The following EEPD1 variants were observed in gnomAD, a reference collection of about 807,000 sequenced individuals.
The protein encoded by EEPD1 is endonuclease/exonuclease/phosphatase family domain containing 1, also known as endonuclease/exonuclease/phosphatase family domain-containing protein 1.
In EEPD1, 17 loss-of-function variants were observed where a neutral mutation model predicts 46.3. The observed-to-expected ratio is 0.37, with a 90% confidence interval of 0.25 to 0.55. The LOEUF is 0.55. Ranked by LOEUF, EEPD1 falls within the 20% of genes least tolerant of loss-of-function variation. The probability of loss-of-function intolerance (pLI) is 0.83; values close to 1 mark genes in which losing one functional copy is unlikely to be tolerated. For missense variants in EEPD1, 673 were observed against 745.6 expected, an observed-to-expected ratio of 0.90 and a Z score of 1.13; for synonymous variants, 313 against 315.6, an observed-to-expected ratio of 0.99 and a Z score of 0.09.
At position 36,165,411 on chromosome 7, in the gene EEPD1, C is replaced by CTTTTTTT. The variant is rs56236165; in HGVS notation, c.878+10231_878+10237dup. ...ATGAAATCGCCTAATGATCCATTTC[C>CTTTTTTT]TTTTTTTTTTTTTTTTTTTTTTTTT... On this transcript the variant is annotated intron_variant, in intron 2 of 7. Transcript: ENST00000242108. Among the ~76,000 whole-genome samples, 453 of 62,108 alleles carry CTTTTTTT rather than the reference C, an allele frequency of 7.3e-3. 90 individuals carry two copies. Among genetic ancestry groups the CTTTTTTT allele is most frequent in the African/African-American group, 0.029 (411 of 14,100 alleles). 40.7% of individuals were successfully genotyped at this position (62,108 alleles called of 152,430 possible). A position where few individuals can be genotyped will look rare whatever the true frequency, so the allele number is the denominator to read the frequency against.
At chr7:36,170,057 C>T (rs1433104135) in intron 2 of EEPD1, among the ~76,000 whole-genome samples, 1 of 152,174 alleles carries the variant, frequency 6.6e-6, no homozygotes, top group African/African-American at 2.4e-5. Context: ...GAAGGAACAC[C>T]TTCCATAGAT....
intron 2 of EEPD1, among the ~76,000 whole-genome samples, chr7:36,184,074 T>C (rs983556325): frequency 2.0e-5 from 3 of 152,136 alleles, no homozygotes; most frequent in African/African-American, 7.2e-5. Flanking sequence ...GCTCAGATAG[T>C]AAATATTTCA....
chr7:36,179,044 T>C (rs139883353), intron 2 of EEPD1, among the ~76,000 whole-genome samples: 176 of 152,350 alleles, frequency 1.2e-3, no homozygotes, highest in African/African-American at 4.1e-3. Context: ...TAAAAGAAAT[T>C]ACTGTGAACC....
At chr7:36,217,235 C>G (rs1786044431) in intron 2 of EEPD1, among the ~76,000 whole-genome samples, 1 of 152,260 alleles carries the variant, frequency 6.6e-6, no homozygotes, top group African/African-American at 2.4e-5. Flanking sequence ...GAGGATTTTT[C>G]ATGAGTTTTC....
intron 2 of EEPD1, among the ~76,000 whole-genome samples, chr7:36,183,173 G>A (rs1211742369): frequency 6.6e-6 from 1 of 152,210 alleles, no homozygotes; most frequent in Non-Finnish European, 1.5e-5. Context: ...TGACTGTGTA[G>A]TGTTCCTGAG....
intron 2 of EEPD1, among the ~76,000 whole-genome samples, chr7:36,185,657 GGAA>G (rs72238640): frequency 0.081 from 12,385 of 152,168 alleles, 748 homozygotes; most frequent in East Asian, 0.16. Context: ...TGCTACTCTA[GGAA>G]GATGCTGCCC....
At chr7:36,219,306 C>T in intron 2 of EEPD1, among the ~76,000 whole-genome samples, 1 of 150,938 alleles carries the variant, frequency 6.6e-6, no homozygotes, top group East Asian at 1.9e-4. Context: ...ATGGCAAAGC[C>T]TAAACTCGTG....
At chr7:36,172,478 A>G (rs1044867484) in intron 2 of EEPD1, among the ~76,000 whole-genome samples, 1 of 152,174 alleles carries the variant, frequency 6.6e-6, no homozygotes, top group African/African-American at 2.4e-5. Flanking sequence ...ACCTTGCCCT[A>G]TGCATCCCTT....
Position 36,281,210 on chromosome 7 carries a change from G to C in EEPD1, c.1026G>C (p.Ser342=). The change falls in exon 4 of 8, where the codon TCG becomes TCC. Residue 342 remains serine (S), a synonymous_variant. Coordinates refer to ENST00000242108, the MANE Select transcript of EEPD1 (RefSeq NM_030636.3). ...AGGCTGTTGTTGCTGAGAAGCCCTC[G>C]AGTCAGCTCCAGAAGGTACCCTCGT... ...CWKAVVAEKP[S]SQLQKGAGYA... 6.2e-7 allele frequency: 1 copy of C among 1,614,120 alleles called. No homozygotes were observed. Among genetic ancestry groups the C allele is most frequent in the Non-Finnish European group, 8.5e-7 (1 of 1,180,002 alleles).
chr7:36,156,110 C>T (rs917365784), intron 2 of EEPD1, among the ~76,000 whole-genome samples: 4 of 152,142 alleles, frequency 2.6e-5, no homozygotes. Context: ...GCCCTGCCAC[C>T]CACCAGGGGT....
intron 2 of EEPD1, among the ~76,000 whole-genome samples, chr7:36,159,674 G>A (rs1445355236): frequency 1.3e-5 from 2 of 152,210 alleles, no homozygotes; most frequent in Non-Finnish European, 1.5e-5. Context: ...CAGGTATCAG[G>A]GTCTTGGGGA....
At chr7:36,165,688 C>A (rs561439224) in intron 2 of EEPD1, among the ~76,000 whole-genome samples, 1 of 151,802 alleles carries the variant, frequency 6.6e-6, no homozygotes, top group East Asian at 1.9e-4. Context: ...CTGCCTGCCT[C>A]GGCTTCCCAA....
rs574732566 is a variant in EEPD1, at chr7:36,156,188, C to A, written c.878+986C>A. ...GTTGGTGAGGCTGGCGGCGGGGGGG[C>A]AGCAGTTTGGTGACACGAAGTGAAC... On this transcript the variant is annotated intron_variant, in intron 2 of 7. Coordinates refer to ENST00000242108, the MANE Select transcript of EEPD1 (RefSeq NM_030636.3). 1.2e-4 allele frequency among the ~76,000 whole-genome samples: 18 copies of A among 152,164 alleles called. No homozygotes were observed. The South Asian group carries it at 3.7e-3, about 32-fold the overall frequency.
At chr7:36,229,082 C>T (rs541674710) in intron 2 of EEPD1, among the ~76,000 whole-genome samples, 124 of 152,304 alleles carry the variant, frequency 8.1e-4, no homozygotes, top group Non-Finnish European at 1.5e-3. Flanking sequence ...GCGGAAACCC[C>T]TTCCCTGTCA....
chr7:36,299,271 G>T lies in EEPD1; in HGVS notation c.*65G>T, dbSNP rs960609602. On this transcript the variant is annotated 3_prime_UTR_variant, in exon 8 of 8. Transcript: ENST00000242108. ...GCACAGCCAAGGAATGAGCCCTGTG[G>T]GGTGACGCTTCAGGGCAGAGCTGCC... The T allele has an allele frequency of 6.4e-7, 1 of 1,554,410 alleles. No homozygotes were observed. Among genetic ancestry groups the T allele is most frequent in the East Asian group, 2.3e-5 (1 of 42,748 alleles).
chr7:36,295,505 A>G (rs891101766), intron 6 of EEPD1, among the ~76,000 whole-genome samples: 3 of 152,200 alleles, frequency 2.0e-5, no homozygotes, highest in Non-Finnish European at 4.4e-5. Flanking sequence ...TCCAGATAAC[A>G]TGTGTAGATA....
At chr7:36,287,508 G>T in intron 5 of EEPD1, 131 bp from the exon 6 acceptor site, 1 of 1,361,396 alleles carries the variant, frequency 7.3e-7, no homozygotes. Context: ...TTTCCTGGGG[G>T]TGTGAGCCAG....
chr7:36,254,115 G>T (rs550699971), intron 3 of EEPD1, among the ~76,000 whole-genome samples: 3 of 152,136 alleles, frequency 2.0e-5, no homozygotes, highest in Non-Finnish European at 2.9e-5. Flanking sequence ...TAGTGATTGA[G>T]CTAGGATTTA....
rs1787606984 is a variant in EEPD1, at chr7:36,300,660, G to A, written c.*1454G>A. On this transcript the variant is annotated 3_prime_UTR_variant, in exon 8 of 8. Coordinates refer to ENST00000242108, the MANE Select transcript of EEPD1 (RefSeq NM_030636.3). ...GTCCCCACGCAGTGTAAACCCAGTG[G>A]CTTCTCTGACCTGGAGCTGATGGGC... 1 of 152,188 alleles carries A rather than the reference G, an allele frequency of 6.6e-6. No individual in the cohort carries two copies. The highest frequency in any genetic ancestry group is 6.5e-5 in the Admixed American group (1 of 15,290). 9.4% of individuals were successfully genotyped at this position (152,188 alleles called of 1,614,324 possible).
Sources: gnomAD v4.1 joint callset for allele counts (sites outside exome capture counted in the v4.1 genomes callset) on GRCh38, gnomAD v4.1.1 for gene constraint, MANE v1.5 for transcripts, NCBI Gene and HGNC (gene_info 2026-07-23, HGNC 2026-07-21) for gene names.